The following ST7L variants were observed in gnomAD, a reference collection of about 807,000 sequenced individuals.
The protein encoded by ST7L is suppression of tumorigenicity 7 like, also known as suppressor of tumorigenicity 7 protein-like.
Under a neutral mutation model 72.5 loss-of-function variants are expected in ST7L, and 57 were observed. The observed-to-expected ratio is 0.79, with a 90% confidence interval of 0.64 to 0.98. ST7L has a LOEUF of 0.98. ST7L is among the 50% of genes least tolerant of loss of function. ST7L has a pLI of 0.00. For synonymous variants in ST7L, 221 were observed against 240.9 expected (o/e 0.92, Z 0.77); for missense variants, 576 against 672.2 (o/e 0.86, Z 1.58).
rs374199133 is a variant in ST7L at position 112,560,861 on chromosome 1, G to A, written c.1246-4843C>T. On this transcript the variant is annotated intron_variant, in intron 11 of 14. Coordinates refer to ENST00000358039, the MANE Select transcript of ST7L (RefSeq NM_017744.5). Reference sequence around the variant, plus strand: ...GCCTGTAATCCCAGCTACTTGGGAGGCTGAGGCAGGAGAATTGCTTGAACC... The same window carrying A: ...GCCTGTAATCCCAGCTACTTGGGAGACTGAGGCAGGAGAATTGCTTGAACC... 2.7e-3 allele frequency among the ~76,000 whole-genome samples: 412 copies of A among 152,054 alleles called. 1 individual carries two copies. Among genetic ancestry groups the A allele is most frequent in the African/African-American group, 9.4e-3 (391 of 41,450 alleles).
chr1:112,619,476 C>T, upstream of ST7L: 1 of 527,704 alleles, frequency 1.9e-6, no homozygotes, highest in African/African-American at 1.9e-5. Flanking sequence ...GCTTTGGATT[C>T]GGCTGTCGTG....
At chr1:112,559,447 T>C (rs886397808) in intron 11 of ST7L, among the ~76,000 whole-genome samples, 2 of 151,706 alleles carry the variant, frequency 1.3e-5, no homozygotes, top group African/African-American at 4.8e-5. Flanking sequence ...TTGGCCAGGC[T>C]GGTCTCGAAC....
chr1:112,565,730 A>T (rs921247412), intron 11 of ST7L, among the ~76,000 whole-genome samples: 2 of 152,144 alleles, frequency 1.3e-5, no homozygotes, highest in Non-Finnish European at 2.9e-5. Context: ...AACTCAAAGA[A>T]GATGGGCCAG....
intron 11 of ST7L, among the ~76,000 whole-genome samples, chr1:112,573,020 C>T (rs1020756086): frequency 7.2e-5 from 11 of 151,914 alleles, no homozygotes; most frequent in African/African-American, 2.7e-4. Flanking sequence ...CCTAAAGAAC[C>T]TGATCAAGAA....
chr1:112,582,156 A>G (rs1664221506), intron 8 of ST7L, 50 bp from the exon 9 acceptor site: 4 of 1,360,270 alleles, frequency 2.9e-6, no homozygotes, highest in South Asian at 1.2e-5. Context: ...AAGGAACTCA[A>G]TAGAGCTGAG....
intron 3 of ST7L, among the ~76,000 whole-genome samples, chr1:112,609,827 A>C (rs551471386): frequency 3.0e-4 from 46 of 152,250 alleles, no homozygotes; most frequent in Non-Finnish European, 5.3e-4. Flanking sequence ...CTCTAACTAA[A>C]TAAATAAATA....
Position 112,523,538 on chromosome 1 carries a change from G to A in ST7L, c.*2475C>T, listed in dbSNP as rs1652996456. 6.6e-6 allele frequency: 1 copy of A among 152,150 alleles called. No individual in the cohort carries two copies. Among genetic ancestry groups the A allele is most frequent in the Admixed American group, 6.5e-5 (1 of 15,274 alleles). 9.4% of individuals were successfully genotyped at this position (152,150 alleles called of 1,614,324 possible). A position where few individuals can be genotyped will look rare whatever the true frequency, so the allele number is the denominator to read the frequency against. On this transcript the variant is annotated 3_prime_UTR_variant, in exon 15 of 15. Transcript: ENST00000358039. Reference sequence around the variant, plus strand: ...ATTTATTTGGAACAAGCAGCAAAATGAGAACTTTATTTGGTGCAGTCAGGG... The same window carrying A: ...ATTTATTTGGAACAAGCAGCAAAATAAGAACTTTATTTGGTGCAGTCAGGG...
At chr1:112,528,190 C>CT (rs1403867932) in intron 14 of ST7L, 1 of 152,054 alleles carries the variant, frequency 6.6e-6, no homozygotes, top group Non-Finnish European at 1.5e-5. Flanking sequence ...TATGAACTGA[C>CT]TGAGGGCAGT....
chr1:112,526,143 A>AGCCCTGTAGGAGTCCCTG (rs1653332483), intron 14 of ST7L, 32 bp from the exon 15 acceptor site: 9 of 1,613,856 alleles, frequency 5.6e-6, no homozygotes, highest in Admixed American at 1.7e-5. Context: ...AAAATGTTCA[A>AGCCCTGTAGGAGTCCCTG]GCCCTGTAGG....
intron 11 of ST7L, among the ~76,000 whole-genome samples, chr1:112,568,861 A>AATATAAATAAATATATATATATATAT (rs61349207): frequency 8.7e-6 from 1 of 114,888 alleles, no homozygotes; most frequent in East Asian, 4.0e-4. Context: ...TATAAATATA[A>AATATAAATAAATATATATATATATAT]ATATATATAT....
chr1:112,578,388 A>G lies in ST7L; in HGVS notation c.1099T>C (p.Cys367Arg). Residue 367 changes from cysteine (C) to arginine (R), a missense_variant, in exon 10 of 15, where the codon TGT (cysteine) becomes CGT (arginine). Physicochemically the swap from Cys to Arg is radical, Grantham distance 180 (BLOSUM62 -3). Around this residue, in one of 3 missense-constraint regions of ST7L, gnomAD observed 511 missense variants for 600.7 expected, o/e 0.85. Coordinates refer to ENST00000358039, the MANE Select transcript of ST7L (RefSeq NM_017744.5). ...DISLPKSAAI[C>R]YTAALLKTRT... is the part of the protein sequence containing the mutation. Reference sequence around the variant, plus strand: ...GTCTTCAACAGTGCTGCTGTGTAACAGATTGCTGCTGACTTTGGAAGGCTT... The same window carrying G: ...GTCTTCAACAGTGCTGCTGTGTAACGGATTGCTGCTGACTTTGGAAGGCTT... 6.2e-7 allele frequency: 1 copy of G among 1,614,192 alleles called. No individual in the cohort carries two copies. Among genetic ancestry groups the G allele is most frequent in the Non-Finnish European group, 8.5e-7 (1 of 1,180,010 alleles).
chr1:112,578,500 G>T, intron 9 of ST7L, 83 bp from the exon 10 acceptor site: 2 of 1,241,062 alleles, frequency 1.6e-6, no homozygotes, highest in Non-Finnish European at 2.4e-6. Flanking sequence ...TCACGGCCAG[G>T]CATGGTGGCT....
chr1:112,601,706 G>A (rs551694036), intron 3 of ST7L, among the ~76,000 whole-genome samples: 1 of 152,160 alleles, frequency 6.6e-6, no homozygotes, highest in African/African-American at 2.4e-5. Flanking sequence ...CAGAGGAAGT[G>A]TCATAAAACC....
intron 1 of ST7L, chr1:112,618,125 G>A: frequency 7.8e-7 from 1 of 1,287,164 alleles, no homozygotes; most frequent in Non-Finnish European, 1.0e-6. Flanking sequence ...TGAGGTTGCT[G>A]CTCAGATCTT....
Position 112,525,127 on chromosome 1 carries a change from T to C in ST7L, c.*886A>G, listed in dbSNP as rs1347453836. The C allele has an allele frequency of 6.6e-6, 1 of 152,218 alleles. No individual in the cohort carries two copies. The highest frequency in any genetic ancestry group is 1.5e-5 in the Non-Finnish European group (1 of 68,058). 9.4% of individuals were successfully genotyped at this position (152,218 alleles called of 1,614,324 possible). ...CAGAGATAGTGAGATGTGCACCCTA[T>C]GTGCTGAGAATGATGGAGCAGTCTC... On this transcript the variant is annotated 3_prime_UTR_variant, in exon 15 of 15. Coordinates refer to ENST00000358039, the MANE Select transcript of ST7L (RefSeq NM_017744.5).
chr1:112,597,536 A>C (rs909754973), intron 5 of ST7L, among the ~76,000 whole-genome samples: 3 of 152,160 alleles, frequency 2.0e-5, no homozygotes, highest in African/African-American at 7.2e-5. Context: ...TAAACACAGA[A>C]ATTTCTATGA....
At chr1:112,542,758 A>C (rs1656335898) in intron 13 of ST7L, among the ~76,000 whole-genome samples, 1 of 146,820 alleles carries the variant, frequency 6.8e-6, no homozygotes, top group Non-Finnish European at 1.5e-5. Context: ...TAAATAAATA[A>C]ATAAATAAAT....
At chr1:112,521,309 G>A (rs944653187), downstream of ST7L, 2 of 121,532 alleles carry the variant, frequency 1.6e-5, no homozygotes, top group African/African-American at 6.5e-5. Context: ...GCCTTGTGTT[G>A]CCTTTTTTTT....
At chr1:112,611,841 T>C (rs571673523) in intron 2 of ST7L, among the ~76,000 whole-genome samples, 2 of 151,890 alleles carry the variant, frequency 1.3e-5, no homozygotes, top group South Asian at 2.1e-4. Context: ...AGGTGGTGCA[T>C]GCCTGCAGTT....
Sources: gnomAD v4.1 joint callset for allele counts (sites outside exome capture counted in the v4.1 genomes callset) on GRCh38, gnomAD v4.1.1 for gene constraint, gnomAD v4.1.1 regional missense constraint, MANE v1.5 for transcripts, NCBI Gene and HGNC (gene_info 2026-07-23, HGNC 2026-07-21) for gene names.